DISP1: variants seen among roughly 807,000 people sequenced by gnomAD.
DISP1 encodes protein dispatched homolog 1.
DISP1 carries 30 observed loss-of-function variants against 37.3 expected under a neutral mutation model. The observed-to-expected ratio is 0.80, with a 90% CI of 0.60 to 1.09. DISP1 has a LOEUF of 1.09. Ranked by LOEUF, DISP1 falls within the 50% of genes least tolerant of loss-of-function variation. The pLI is 0.00. For missense variants in DISP1, 1,598 were observed against 1,879.5 expected (o/e 0.85, Z 2.77); for synonymous variants, 634 against 690.2 (o/e 0.92, Z 1.28).
At chr1:222,921,925 G>A (rs764707335) in intron 1 of DISP1, among the ~76,000 whole-genome samples, 10 of 152,156 alleles carry the variant, frequency 6.6e-5, no homozygotes, top group Non-Finnish European at 1.5e-4. Context: ...AGTACCATGA[G>A]GGATCTCAGG....
chr1:222,924,010 G>A (rs996086279), intron 1 of DISP1, among the ~76,000 whole-genome samples: 8 of 152,078 alleles, frequency 5.3e-5, no homozygotes, highest in Admixed American at 3.9e-4. Context: ...ATGGAAGACC[G>A]GCAAGGCCAT....
chr1:222,875,655 A>AC (rs67758336), intron 1 of DISP1, among the ~76,000 whole-genome samples: 1 of 7,008 alleles, frequency 1.4e-4, no homozygotes, highest in African/African-American at 2.3e-3. Context: ...TGTCTCTACT[A>AC]AAAAAAAAAA....
intron 2 of DISP1, among the ~76,000 whole-genome samples, chr1:222,931,756 A>G (rs916656881): frequency 2.0e-5 from 3 of 149,050 alleles, no homozygotes; most frequent in Non-Finnish European, 4.5e-5. Flanking sequence ...TTGAGCCTTC[A>G]TTTTAGAGAC....
intron 2 of DISP1, among the ~76,000 whole-genome samples, chr1:222,930,976 A>T (rs1198629953): frequency 1.3e-5 from 2 of 151,994 alleles, no homozygotes; most frequent in Non-Finnish European, 2.9e-5. Context: ...TATTTGCTGG[A>T]CTCTGCAGGG....
At chr1:222,839,258 G>C (rs35530937) in intron 1 of DISP1, among the ~76,000 whole-genome samples, 14,373 of 152,158 alleles carry the variant, frequency 0.094, 767 homozygotes, top group African/African-American at 0.12. Context: ...ATTGTGAACT[G>C]TGCATACAAG....
intron 1 of DISP1, among the ~76,000 whole-genome samples, chr1:222,833,108 A>G (rs1666159477): frequency 6.6e-6 from 1 of 152,018 alleles, no homozygotes; most frequent in African/African-American, 2.4e-5. Flanking sequence ...TTTATTTGTT[A>G]TTGCTGCTGA....
intron 2 of DISP1, among the ~76,000 whole-genome samples, chr1:222,938,111 A>T (rs1413745779): frequency 6.6e-6 from 1 of 151,974 alleles, no homozygotes; most frequent in Non-Finnish European, 1.5e-5. Flanking sequence ...GAGCCCTAGC[A>T]GTCTTCCTGC....
At chr1:222,870,470 A>G (rs1321333125) in intron 1 of DISP1, among the ~76,000 whole-genome samples, 1 of 152,082 alleles carries the variant, frequency 6.6e-6, no homozygotes, top group Non-Finnish European at 1.5e-5. Context: ...TGACTTTTTA[A>G]TGATCGCCAT....
At chr1:222,879,640 G>A (rs983183777) in intron 1 of DISP1, among the ~76,000 whole-genome samples, 1 of 152,110 alleles carries the variant, frequency 6.6e-6, no homozygotes, top group African/African-American at 2.4e-5. Context: ...AGGCAAGTTA[G>A]TAATACTGTA....
chr1:222,868,647 A>T lies in DISP1; in HGVS notation c.-159+53569A>T, dbSNP rs183687064. Among the ~76,000 whole-genome samples, 450 of 152,274 alleles carry T rather than the reference A, an allele frequency of 3.0e-3. 3 individuals carry two copies. Among genetic ancestry groups the T allele is most frequent in the African/African-American group, 0.011 (437 of 41,580 alleles). On this transcript the variant is annotated intron_variant, in intron 1 of 8. Transcript: ENST00000675850. Reference sequence around the variant, plus strand: ...TGACTTTTTAAAATGAACTTACAACAGTGATGTCAGTTAGCAGAATTTCCC... The same window carrying T: ...TGACTTTTTAAAATGAACTTACAACTGTGATGTCAGTTAGCAGAATTTCCC...
intron 1 of DISP1, among the ~76,000 whole-genome samples, chr1:222,897,222 A>G (rs963691918): frequency 1.3e-5 from 2 of 152,224 alleles, no homozygotes; most frequent in Non-Finnish European, 2.9e-5. Flanking sequence ...ACTTGGCACA[A>G]AAGAGTATAT....
At chr1:222,852,737 GCT>G (rs1392916273) in intron 1 of DISP1, among the ~76,000 whole-genome samples, 1 of 152,014 alleles carries the variant, frequency 6.6e-6, no homozygotes, top group Non-Finnish European at 1.5e-5. Context: ...TAAGACCTTG[GCT>G]CTCCTGGGGA....
chr1:222,877,742 C>T (rs1429286556), intron 1 of DISP1, among the ~76,000 whole-genome samples: 1 of 152,184 alleles, frequency 6.6e-6, no homozygotes, highest in Non-Finnish European at 1.5e-5. Flanking sequence ...AGGAGAAGTG[C>T]TGTGAATCCC....
At chr1:222,960,636 A>C (rs1336320502) in intron 3 of DISP1, among the ~76,000 whole-genome samples, 2 of 152,106 alleles carry the variant, frequency 1.3e-5, no homozygotes, top group East Asian at 3.9e-4. Flanking sequence ...AGAATTGAAG[A>C]AGATAGAGAC....
chr1:222,897,561 T>A (rs961306981), intron 1 of DISP1, among the ~76,000 whole-genome samples: 20 of 152,170 alleles, frequency 1.3e-4, no homozygotes, highest in Non-Finnish European at 2.5e-4. Context: ...GTATACTTTT[T>A]AAAAGCCTTT....
intron 1 of DISP1, among the ~76,000 whole-genome samples, chr1:222,819,592 T>A (rs986666306): frequency 2.2e-4 from 33 of 147,476 alleles, no homozygotes; most frequent in African/African-American, 7.8e-4. Context: ...TAGGCTGGAG[T>A]GCAGTGGCAC....
At chr1:222,890,943 C>T (rs1670905291) in intron 1 of DISP1, among the ~76,000 whole-genome samples, 1 of 152,032 alleles carries the variant, frequency 6.6e-6, no homozygotes, top group Non-Finnish European at 1.5e-5. Flanking sequence ...GGAGTAGGGA[C>T]CCACCCTACT....
chr1:222,996,629 C>T lies in DISP1; in HGVS notation c.987+1647C>T, dbSNP rs554005447. On this transcript the variant is annotated intron_variant, in intron 8 of 8. Coordinates refer to ENST00000675850, the MANE Select transcript of DISP1 (RefSeq NM_001377229.1). ...CATGTGCCAGGAAGTGTTCTAAATA[C>T]TTTAATACATTATTTCATTTAATCC... Among the ~76,000 whole-genome samples the T allele has an allele frequency of 1.3e-4, 20 of 152,222 alleles. No individual in the cohort carries two copies. In the South Asian group the frequency reaches 3.7e-3, roughly 28 times the overall value.
At chr1:222,984,419 A>ATATATATATATATATATAT (rs761912265) in intron 4 of DISP1, among the ~76,000 whole-genome samples, 1 of 101,132 alleles carries the variant, frequency 9.9e-6, no homozygotes, top group South Asian at 3.3e-4. Flanking sequence ...AAAAAAAAAA[A>ATATATATATATATATATAT]AAATATATAT....
Sources: allele counts gnomAD v4.1 joint callset (sites outside exome capture counted in the v4.1 genomes callset), GRCh38; gene constraint gnomAD v4.1.1; transcripts MANE v1.5; gene names NCBI Gene and HGNC (gene_info 2026-07-23, HGNC 2026-07-21).